KCNIP4: variants seen among roughly 807,000 people sequenced by gnomAD.
The protein encoded by KCNIP4 is Kv channel-interacting protein 4.
A neutral mutation model predicts 34.0 loss-of-function variants in KCNIP4; 12 were observed. The observed-to-expected ratio is 0.35, with a 90% confidence interval of 0.23 to 0.57. The LOEUF (loss-of-function observed/expected upper bound fraction) is 0.57. Ranked by LOEUF, KCNIP4 falls within the 20% of genes least tolerant of loss-of-function variation. KCNIP4 has a pLI of 0.83. For missense variants in KCNIP4, 238 were observed against 311.7 expected (o/e 0.76, Z 1.78); for synonymous variants, 124 against 102.2 (o/e 1.21, Z -1.29).
chr4:21,364,016 T>G (rs1322763164), intron 1 of KCNIP4, among the ~76,000 whole-genome samples: 4 of 152,224 alleles, frequency 2.6e-5, no homozygotes, highest in South Asian at 4.1e-4. Context: ...GAGCTAAGCT[T>G]ATAGGTTAAA....
intron 1 of KCNIP4, among the ~76,000 whole-genome samples, chr4:20,930,465 A>G (rs545136582): frequency 6.6e-6 from 1 of 152,100 alleles, no homozygotes; most frequent in African/African-American, 2.4e-5. Flanking sequence ...TGATTTTTGG[A>G]TATCACACCA....
intron 1 of KCNIP4, chr4:21,851,938 A>G (rs953343356): frequency 6.6e-6 from 1 of 151,878 alleles, no homozygotes; most frequent in African/African-American, 2.4e-5. Context: ...TATGCTGTCT[A>G]TGGTACCCTC....
intron 1 of KCNIP4, among the ~76,000 whole-genome samples, chr4:21,537,303 G>A (rs1306878536): frequency 6.6e-6 from 1 of 152,156 alleles, no homozygotes; most frequent in Non-Finnish European, 1.5e-5. Context: ...TGTTGAGGGT[G>A]GCTTTAATGT....
At chr4:21,453,445 T>C (rs549352999) in intron 1 of KCNIP4, among the ~76,000 whole-genome samples, 1 of 152,178 alleles carries the variant, frequency 6.6e-6, no homozygotes, top group African/African-American at 2.4e-5. Flanking sequence ...TTTGGCGATG[T>C]CTCTGCAGAG....
rs550877461 is a variant in KCNIP4, at chr4:20,924,150, C to T, written c.62-41441G>A. Among the ~76,000 whole-genome samples, 6 of 152,288 alleles carry T rather than the reference C, an allele frequency of 3.9e-5. No individual in the cohort carries two copies. In the South Asian group the frequency reaches 1.2e-3, roughly 32 times the overall value. On this transcript the variant is annotated intron_variant, in intron 1 of 8. Transcript: ENST00000382152. ...TTATTGGGACATTGAATGCTAACCA[C>T]TTGATAAACAGTCTTGAAGCTTTTG...
At chr4:21,578,353 AAAAAAGAG>A (rs1214176865) in intron 1 of KCNIP4, among the ~76,000 whole-genome samples, 15 of 135,920 alleles carry the variant, frequency 1.1e-4, no homozygotes, top group African/African-American at 4.2e-4. Context: ...AAAAAAAAAA[AAAAAAGAG>A]TTCATGCTAG....
intron 1 of KCNIP4, among the ~76,000 whole-genome samples, chr4:21,010,712 C>T (rs987297588): frequency 2.6e-5 from 4 of 152,140 alleles, no homozygotes. Flanking sequence ...CCTTTTCAAA[C>T]TTATTTTTAG....
intron 1 of KCNIP4, among the ~76,000 whole-genome samples, chr4:21,819,957 A>T (rs1722227635): frequency 6.6e-6 from 1 of 152,102 alleles, no homozygotes; most frequent in Admixed American, 6.6e-5. Context: ...ATACTGGAGC[A>T]ATGCCCAGAT....
At chr4:21,596,763 C>T (rs931562270) in intron 1 of KCNIP4, among the ~76,000 whole-genome samples, 1 of 152,058 alleles carries the variant, frequency 6.6e-6, no homozygotes, top group South Asian at 2.1e-4. Context: ...TCTTCCCCCT[C>T]AGTAAAACCT....
intron 1 of KCNIP4, among the ~76,000 whole-genome samples, chr4:21,569,888 T>C (rs781339463): frequency 6.6e-6 from 1 of 152,044 alleles, no homozygotes; most frequent in Non-Finnish European, 1.5e-5. Context: ...GTTTCACACA[T>C]ACTAGACCAC....
chr4:21,709,784 G>A (rs1358311314), intron 1 of KCNIP4, among the ~76,000 whole-genome samples: 1 of 152,170 alleles, frequency 6.6e-6, no homozygotes, highest in African/African-American at 2.4e-5. Context: ...TATATACTCA[G>A]TGATGTCTTG....
At chr4:21,085,690 C>G (rs993820294) in intron 1 of KCNIP4, among the ~76,000 whole-genome samples, 5 of 152,188 alleles carry the variant, frequency 3.3e-5, no homozygotes, top group South Asian at 2.1e-4. Context: ...AAATAGTTTA[C>G]TAAAGACATA....
At chr4:20,805,834 C>T (rs2149425555) in intron 3 of KCNIP4, among the ~76,000 whole-genome samples, 2 of 152,110 alleles carry the variant, frequency 1.3e-5, no homozygotes, top group South Asian at 2.1e-4. Context: ...ATCTCCTTAC[C>T]TGGTTCAATA....
chr4:20,804,177 T>C (rs995137888), intron 3 of KCNIP4, among the ~76,000 whole-genome samples: 3 of 152,212 alleles, frequency 2.0e-5, no homozygotes, highest in African/African-American at 7.2e-5. Flanking sequence ...TCATTTCCTA[T>C]GGTAAGTGCA....
intron 1 of KCNIP4, among the ~76,000 whole-genome samples, chr4:21,709,324 A>G (rs1002162567): frequency 2.6e-5 from 4 of 152,220 alleles, no homozygotes; most frequent in Non-Finnish European, 5.9e-5. Flanking sequence ...GTTTCAGATG[A>G]CGTTAAGATA....
At position 21,147,962 on chromosome 4, in the gene KCNIP4, A is replaced by AAAAAAAAAAAAAAG. The variant is rs1553945858; in HGVS notation, c.62-265254_62-265253insCTTTTTTTTTTTTT. 3.1e-4 allele frequency among the ~76,000 whole-genome samples: 38 copies of AAAAAAAAAAAAAAG among 123,900 alleles called. 1 individual carries two copies. Among genetic ancestry groups the AAAAAAAAAAAAAAG allele is most frequent in the African/African-American group, 5.1e-4 (17 of 33,044 alleles). The allele number at this position is 123,900 out of a possible 152,430, so 81.3% of individuals were successfully genotyped here. A position where few individuals can be genotyped will look rare whatever the true frequency, so the allele number is the denominator to read the frequency against. ...CTCAAAAAAAAAAAAAAAAAAAAAG[A>AAAAAAAAAAAAAAG]AAAAAAGTTCAAGTACTTTGGGAAT... On this transcript the variant is annotated intron_variant, in intron 1 of 8. Coordinates refer to ENST00000382152, the MANE Select transcript of KCNIP4 (RefSeq NM_025221.6).
At chr4:21,068,312 T>A (rs1219379453) in intron 1 of KCNIP4, among the ~76,000 whole-genome samples, 2 of 152,226 alleles carry the variant, frequency 1.3e-5, no homozygotes, top group African/African-American at 4.8e-5. Flanking sequence ...GTGTTTACCT[T>A]CCACTTAGTA....
intron 1 of KCNIP4, chr4:21,315,225 C>G (rs2109284530): frequency 6.5e-6 from 1 of 153,768 alleles, no homozygotes; most frequent in South Asian, 2.0e-4. Flanking sequence ...ACTTCTATCT[C>G]TGCCACCTCT....
intron 1 of KCNIP4, among the ~76,000 whole-genome samples, chr4:21,483,328 A>G (rs986142977): frequency 1.3e-5 from 2 of 152,116 alleles, no homozygotes; most frequent in African/African-American, 4.8e-5. Flanking sequence ...GTTTGTTAAT[A>G]TGGTTTGGAT....
Sources: allele counts gnomAD v4.1 joint callset (sites outside exome capture counted in the v4.1 genomes callset), GRCh38; gene constraint gnomAD v4.1.1; transcripts MANE v1.5; gene names NCBI Gene and HGNC (gene_info 2026-07-23, HGNC 2026-07-21).